Variants in TACC2 observed in about 807,000 individuals in gnomAD.
The protein encoded by TACC2 is transforming acidic coiled-coil containing protein 2.
A neutral mutation model predicts 227.3 loss-of-function variants in TACC2; 137 were observed. The observed-to-expected ratio is 0.60, with a 90% confidence interval of 0.52 to 0.69. TACC2 has a LOEUF of 0.69. Ranked by LOEUF, TACC2 falls within the 30% of genes least tolerant of loss-of-function variation. The pLI is 0.00. For missense variants in TACC2, 3,470 were observed against 3,694.4 expected (o/e 0.94, Z 1.57); for synonymous variants, 1,523 against 1,487.5 (o/e 1.02, Z -0.55).
intron 1 of TACC2, among the ~76,000 whole-genome samples, chr10:122,014,779 T>G (rs7904779): frequency 0.46 from 69,243 of 151,814 alleles, 15,934 homozygotes; most frequent in South Asian, 0.6. Flanking sequence ...ACCCATTTCT[T>G]CTAGGCTGCC....
chr10:121,998,331 A>G (rs1463980304), intron 1 of TACC2, among the ~76,000 whole-genome samples: 1 of 151,448 alleles, frequency 6.6e-6, no homozygotes, highest in Non-Finnish European at 1.5e-5. Context: ...AAAAAAAAAA[A>G]AGGAAGACTC....
chr10:122,127,781 G>A (rs917817327), intron 5 of TACC2, among the ~76,000 whole-genome samples: 3 of 152,144 alleles, frequency 2.0e-5, no homozygotes, highest in Admixed American at 6.5e-5. Context: ...TATTCAGATC[G>A]TTACAAAGTC....
intron 7 of TACC2, among the ~76,000 whole-genome samples, chr10:122,146,226 G>A (rs2091356671): frequency 6.6e-6 from 1 of 151,984 alleles, no homozygotes; most frequent in African/African-American, 2.4e-5. Context: ...TGAAGATACA[G>A]AAGAGAATAG....
rs551913234 is a variant in TACC2, at chr10:121,996,998, G to T, written c.-46+7510G>T. On this transcript the variant is annotated intron_variant, in intron 1 of 22. Coordinates refer to ENST00000369005, the MANE Select transcript of TACC2 (RefSeq NM_206862.4). ...GGTGGGAGGAGGAACTGGAGAAGGA[G>T]AAAGAGAGTGGGATTTTGCAGCAGC... 4.6e-5 allele frequency among the ~76,000 whole-genome samples: 7 copies of T among 152,090 alleles called. No individual in the cohort carries two copies. The South Asian group carries it at 1.5e-3, about 32-fold the overall frequency.
chr10:122,189,178 G>T (rs2094323334), intron 7 of TACC2, among the ~76,000 whole-genome samples: 1 of 152,166 alleles, frequency 6.6e-6, no homozygotes, highest in Admixed American at 6.5e-5. Context: ...TGTGTGCAGA[G>T]ATTGGGGAGG....
intron 2 of TACC2, among the ~76,000 whole-genome samples, chr10:122,048,438 T>A (rs1164867877): frequency 7.8e-6 from 1 of 128,796 alleles, no homozygotes; most frequent in Non-Finnish European, 1.7e-5. Context: ...CCTTGCTTCC[T>A]CCCTCCCTCC....
chr10:122,015,165 A>C (rs1956427862), intron 1 of TACC2, among the ~76,000 whole-genome samples: 1 of 152,066 alleles, frequency 6.6e-6, no homozygotes, highest in Admixed American at 6.6e-5. Context: ...ATGAAAGAGG[A>C]CATAAGTACC....
chr10:122,097,961 G>A (rs2081649342), intron 5 of TACC2, among the ~76,000 whole-genome samples: 1 of 152,162 alleles, frequency 6.6e-6, no homozygotes, highest in Admixed American at 6.6e-5. Flanking sequence ...TCTCACCGGG[G>A]AAGAGCTGAG....
chr10:122,083,146 G>C lies in TACC2; in HGVS notation c.646G>C (p.Glu216Gln), dbSNP rs772816568. 1.9e-6 allele frequency: 3 copies of C among 1,613,140 alleles called. No individual in the cohort carries two copies. Among genetic ancestry groups the C allele is most frequent in the South Asian group, 2.2e-5 (2 of 91,084 alleles). ...GCCAATGAAGGCACCGCTGTGTGGA[G>C]AGGGGGACCAGCCTGGTGGTTTTGA... The part of the protein sequence containing the change: ...REPMKAPLCG[E>Q]GDQPGGFESQ... Residue 216 changes from glutamate (E) to glutamine (Q), a missense_variant, in exon 4 of 23, where the codon GAG becomes CAG. Glu to Gln is a conservative substitution (Grantham distance 29, BLOSUM62 2). This residue lies in a region of TACC2 where 405 missense variants were observed against 389.6 expected (regional missense o/e 1.04). Transcript: ENST00000369005.
intron 7 of TACC2, chr10:122,163,612 C>T: frequency 9.8e-7 from 1 of 1,017,468 alleles, no homozygotes. Context: ...AGAGAAGAGC[C>T]TTTCGGACCA....
chr10:122,161,177 C>G lies in TACC2; in HGVS notation c.5834+17471C>G, dbSNP rs2092794091. Among the ~76,000 whole-genome samples the G allele has an allele frequency of 2.0e-5, 3 of 152,124 alleles. No individual in the cohort carries two copies. The South Asian group carries it at 6.2e-4, about 32-fold the overall frequency. On this transcript the variant is annotated intron_variant, in intron 7 of 22. Coordinates refer to ENST00000369005, the MANE Select transcript of TACC2 (RefSeq NM_206862.4). ...TCTTGAACTCCTGGGCTCAAGCAAT[C>G]CTCCCACCTCGGCCACCCCAAGTGC...
intron 5 of TACC2, among the ~76,000 whole-genome samples, chr10:122,100,375 A>G (rs904165700): frequency 1.3e-5 from 2 of 151,986 alleles, no homozygotes; most frequent in Non-Finnish European, 2.9e-5. Context: ...AAAGGTCCTG[A>G]AAAGCCACTG....
chr10:122,007,656 G>A (rs180884775), intron 1 of TACC2, among the ~76,000 whole-genome samples: 7 of 152,246 alleles, frequency 4.6e-5, no homozygotes, highest in Non-Finnish European at 7.4e-5. Context: ...GTTCAAGAAC[G>A]TTTCTGAGTC....
At chr10:122,154,174 C>G (rs1339345819) in intron 7 of TACC2, among the ~76,000 whole-genome samples, 1 of 152,236 alleles carries the variant, frequency 6.6e-6, no homozygotes, top group Admixed American at 6.5e-5. Flanking sequence ...CTACCCATTT[C>G]TCCATTCATA....
At chr10:122,019,443 C>T (rs955943187) in intron 1 of TACC2, among the ~76,000 whole-genome samples, 6 of 152,214 alleles carry the variant, frequency 3.9e-5, no homozygotes, top group Non-Finnish European at 7.3e-5. Context: ...GTTCCCGGCC[C>T]GACTGCATAA....
intron 1 of TACC2, among the ~76,000 whole-genome samples, chr10:121,992,322 G>A (rs2134850312): frequency 6.6e-6 from 1 of 152,228 alleles, no homozygotes; most frequent in South Asian, 2.1e-4. Flanking sequence ...AAAACCTGAA[G>A]GTTTTAAGAG....
intron 3 of TACC2, among the ~76,000 whole-genome samples, chr10:122,064,830 G>A (rs1287715629): frequency 6.6e-6 from 1 of 152,110 alleles, no homozygotes; most frequent in South Asian, 2.1e-4. Context: ...ATTGGTATCA[G>A]ATACATACTG....
chr10:122,171,234 C>T (rs1461542528), intron 7 of TACC2, among the ~76,000 whole-genome samples: 1 of 152,120 alleles, frequency 6.6e-6, no homozygotes, highest in East Asian at 1.9e-4. Context: ...CTCTGAGTTT[C>T]TGCTTTTGCC....
intron 7 of TACC2, among the ~76,000 whole-genome samples, chr10:122,183,545 C>T (rs1181395189): frequency 6.6e-6 from 1 of 152,152 alleles, no homozygotes; most frequent in Non-Finnish European, 1.5e-5. Flanking sequence ...ATGTGAGACA[C>T]CCCCTCCTTG....
Sources: allele counts gnomAD v4.1 joint callset (sites outside exome capture counted in the v4.1 genomes callset), GRCh38; gene constraint gnomAD v4.1.1; regional missense constraint gnomAD v4.1.1; transcripts MANE v1.5; gene names NCBI Gene and HGNC (gene_info 2026-07-23, HGNC 2026-07-21).